The following POLR2B variants were observed in gnomAD, a reference collection of about 807,000 sequenced individuals.
POLR2B encodes the protein DNA-directed RNA polymerase II subunit RPB2.
Under a neutral mutation model 144.6 loss-of-function variants are expected in POLR2B, and 57 were observed. The observed-to-expected ratio is 0.39, with a 90% CI of 0.32 to 0.49. The LOEUF (loss-of-function observed/expected upper bound fraction) is 0.49, where lower values mean the gene tolerates loss of function less well. Among genes scored for constraint, POLR2B ranks in the 20% least tolerant of loss-of-function variants. POLR2B has a pLI of 0.83. For synonymous variants in POLR2B, 442 were observed against 469.8 expected, an observed-to-expected ratio of 0.94 and a Z score of 0.77; for missense variants, 595 against 1,467.4, an observed-to-expected ratio of 0.41 and a Z score of 9.71.
intron 1 of POLR2B, chr4:56,985,491 C>T: frequency 1.0e-6 from 1 of 983,876 alleles, no homozygotes; most frequent in Non-Finnish European, 1.2e-6. Context: ...ACCTCTGTCT[C>T]CTGGGTTCAA....
intron 7 of POLR2B, among the ~76,000 whole-genome samples, chr4:57,004,778 G>C (rs978294973): frequency 4.6e-5 from 7 of 152,100 alleles, no homozygotes; most frequent in South Asian, 2.1e-4. Context: ...TCTGCCTCCC[G>C]GGTTCAAGCG....
chr4:56,981,950 A>T (rs1722168405), intron 1 of POLR2B, among the ~76,000 whole-genome samples: 1 of 152,226 alleles, frequency 6.6e-6, no homozygotes, highest in Non-Finnish European at 1.5e-5. Flanking sequence ...ACTGTTGATG[A>T]CATCTTCCCG....
chr4:57,027,026 TG>T (rs1363672263), intron 23 of POLR2B, among the ~76,000 whole-genome samples: 1 of 152,024 alleles, frequency 6.6e-6, no homozygotes, highest in Non-Finnish European at 1.5e-5. Flanking sequence ...GCTTTTTTTT[TG>T]TGAGACAGTC....
intron 17 of POLR2B, 93 bp downstream of exon 17, chr4:57,021,088 C>T (rs536248979): frequency 7.4e-5 from 54 of 732,204 alleles, no homozygotes; most frequent in Admixed American, 1.4e-4. Context: ...TTAACTACGC[C>T]GCACTCCAGA....
chr4:56,996,030 T>C (rs963981598), intron 6 of POLR2B, among the ~76,000 whole-genome samples: 3 of 152,102 alleles, frequency 2.0e-5, no homozygotes, highest in African/African-American at 4.8e-5. Flanking sequence ...GCAGGAATCA[T>C]TGGGTACCAG....
chr4:56,982,990 C>G (rs1286602846), intron 1 of POLR2B, among the ~76,000 whole-genome samples: 1 of 152,174 alleles, frequency 6.6e-6, no homozygotes, highest in Non-Finnish European at 1.5e-5. Flanking sequence ...ACTTCTCTAT[C>G]CCCTCCACCA....
At chr4:56,998,938 G>A (rs1722770556) in intron 6 of POLR2B, among the ~76,000 whole-genome samples, 1 of 152,184 alleles carries the variant, frequency 6.6e-6, no homozygotes. Context: ...GTAGGGTTAT[G>A]AGGCCAAGGG....
rs755936207 is a variant in POLR2B at position 57,015,494 on chromosome 4, A to T, written c.1801-8A>T. The stretch of plus-strand genomic sequence containing the variant: ...ATTTGTGGAACTGTTTTTTCTTTTT[A>T]TATGTAGGTTTCTATGATCAGAGAT... On this transcript the variant is annotated splice_region_variant and splice_polypyrimidine_tract_variant and intron_variant, in intron 13 of 24. Coordinates refer to ENST00000314595, the MANE Select transcript of POLR2B (RefSeq NM_000938.3). The T allele has an allele frequency of 7.5e-7, 1 of 1,340,026 alleles. No individual in the cohort carries two copies. The highest frequency in any genetic ancestry group is 2.8e-5 in the Admixed American group (1 of 35,734). 83.0% of individuals were successfully genotyped at this position (1,340,026 alleles called of 1,614,324 possible). A position where few individuals can be genotyped will look rare whatever the true frequency, so the allele number is the denominator to read the frequency against.
intron 5 of POLR2B, 56 bp downstream of exon 5, chr4:56,994,922 G>C: frequency 1.2e-6 from 1 of 808,432 alleles, no homozygotes; most frequent in Non-Finnish European, 1.8e-6. Flanking sequence ...TTAGTTTAAA[G>C]TTGAAATGAA....
intron 1 of POLR2B, 22 bp from the exon 2 acceptor site, chr4:56,986,332 T>C: frequency 6.8e-7 from 1 of 1,469,634 alleles, no homozygotes; most frequent in African/African-American, 1.4e-5. Flanking sequence ...TGCAAATGAG[T>C]ACAATATTTT....
chr4:56,994,624 G>C, intron 4 of POLR2B, 23 bp from the exon 5 acceptor site: 1 of 1,533,728 alleles, frequency 6.5e-7, no homozygotes, highest in South Asian at 1.1e-5. Context: ...TTGCTTAACT[G>C]TGATCTACTT....
At chr4:57,006,493 C>T (rs544620892) in intron 9 of POLR2B, among the ~76,000 whole-genome samples, 9 of 152,180 alleles carry the variant, frequency 5.9e-5, no homozygotes, top group African/African-American at 1.2e-4. Flanking sequence ...TTAGTAGAGA[C>T]GGTGTTTCTC....
At position 57,021,613 on chromosome 4, in the gene POLR2B, C is replaced by T. The variant is rs141378523; in HGVS notation, c.2421-539C>T. Among the ~76,000 whole-genome samples the T allele has an allele frequency of 3.1e-3, 471 of 151,630 alleles. 3 individuals are homozygous for T. Among genetic ancestry groups the T allele is most frequent in the African/African-American group, 0.011 (442 of 41,328 alleles). ...AAGAGATTCTCCTACCTCAGCTTCC[C>T]AAGTACCTGGGATTACAGGCACGCA... On this transcript the variant is annotated intron_variant, in intron 17 of 24. Transcript: ENST00000314595.
At chr4:57,026,581 A>G (rs754339305) in intron 23 of POLR2B, among the ~76,000 whole-genome samples, 7 of 151,996 alleles carry the variant, frequency 4.6e-5, no homozygotes, top group Non-Finnish European at 7.4e-5. Context: ...AAATGCTAAT[A>G]AGCTCATTAC....
At chr4:56,983,505 G>T (rs1425826927) in intron 1 of POLR2B, among the ~76,000 whole-genome samples, 2 of 151,280 alleles carry the variant, frequency 1.3e-5, no homozygotes, top group Non-Finnish European at 2.9e-5. Flanking sequence ...CTGAGTAGCT[G>T]GGATTTCAGG....
rs750631997 is a variant in POLR2B, at chr4:57,017,133, A to G, written c.2046A>G (p.Leu682=). The change falls in exon 15 of 25, where the codon TTA becomes TTG. Residue 682 remains leucine, a synonymous_variant. Transcript: ENST00000314595. This position sits in a 1 kb window ranked among gnomAD's most constrained non-coding sequence, Gnocchi z 4.8. ...TGCTTGCAATGACTCCAGATGATTT[A>G]CAGGAGAAAGAAGTAGCTTATTGTT... The part of the protein sequence containing the change: ...TVMLAMTPDD[L]QEKEVAYCST... The G allele has an allele frequency of 2.5e-6, 4 of 1,611,788 alleles. No individual in the cohort carries two copies. The highest frequency in any genetic ancestry group is 1.7e-4 in the Middle Eastern group (1 of 6,054).
intron 10 of POLR2B, among the ~76,000 whole-genome samples, chr4:57,008,627 C>T (rs1354987294): frequency 6.6e-6 from 1 of 152,206 alleles, no homozygotes; most frequent in Non-Finnish European, 1.5e-5. Context: ...ATAATTACAG[C>T]ATGGCATGGT....
chr4:56,988,179 G>A (rs1722389708), intron 2 of POLR2B, among the ~76,000 whole-genome samples: 1 of 152,266 alleles, frequency 6.6e-6, no homozygotes, highest in East Asian at 1.9e-4. Flanking sequence ...TGGAGAAGGG[G>A]CCGGGGCGGC....
intron 6 of POLR2B, among the ~76,000 whole-genome samples, chr4:56,997,285 G>T (rs1179258733): frequency 6.6e-6 from 1 of 150,894 alleles, no homozygotes; most frequent in African/African-American, 2.4e-5. Flanking sequence ...CTGAGACAGG[G>T]TCTCATTCTG....
Sources: gnomAD v4.1 joint callset for allele counts (sites outside exome capture counted in the v4.1 genomes callset) on GRCh38, gnomAD v4.1.1 for gene constraint, Gnocchi (gnomAD v3.1) non-coding constraint, MANE v1.5 for transcripts, NCBI Gene and HGNC (gene_info 2026-07-23, HGNC 2026-07-21) for gene names.